CCDC6: variants seen among roughly 807,000 people sequenced by gnomAD.
The protein encoded by CCDC6 is coiled-coil domain containing 6.
CCDC6 carries 20 observed loss-of-function variants against 56.6 expected under a neutral mutation model. The ratio of observed to expected loss-of-function variants is 0.35; its 90% CI spans 0.25 to 0.51. The LOEUF is 0.51. Among genes scored for constraint, CCDC6 ranks in the 20% least tolerant of loss-of-function variants. The probability of loss-of-function intolerance (pLI) is 0.95; values close to 1 mark genes in which losing one functional copy is unlikely to be tolerated. For missense variants in CCDC6, 367 were observed against 601.1 expected (o/e 0.61, Z 4.07); for synonymous variants, 241 against 234.4 (o/e 1.03, Z -0.26).
rs953201677 is a variant in CCDC6, at chr10:59,789,691, G to A, written c.*3226C>T. 4.5e-6 allele frequency: 1 copy of A among 222,864 alleles called. No individual in the cohort carries two copies. Among genetic ancestry groups the A allele is most frequent in the Admixed American group, 5.7e-5 (1 of 17,400 alleles). The allele number at this position is 222,864 out of a possible 1,614,324, so 13.8% of individuals were successfully genotyped here. A position where few individuals can be genotyped will look rare whatever the true frequency, so the allele number is the denominator to read the frequency against. ...ACTAGACAGAAGATCAAGTTACACA[G>A]AAATATTTCTTCTGTACTGATAAGA... On this transcript the variant is annotated 3_prime_UTR_variant, in exon 9 of 9. Transcript: ENST00000263102.
intron 3 of CCDC6, among the ~76,000 whole-genome samples, chr10:59,822,539 T>A (rs779802959): frequency 1.3e-5 from 2 of 152,176 alleles, no homozygotes; most frequent in African/African-American, 4.8e-5. Flanking sequence ...AGGAAAGAAA[T>A]GACATCTGTA....
chr10:59,862,526 C>T (rs1397871231), intron 1 of CCDC6, among the ~76,000 whole-genome samples: 4,601 of 86,342 alleles, frequency 0.053, 481 homozygotes, highest in African/African-American at 0.24. Flanking sequence ...TACACACACA[C>T]ACACACACAC....
chr10:59,886,164 A>T (rs899500852), intron 1 of CCDC6, among the ~76,000 whole-genome samples: 1 of 152,208 alleles, frequency 6.6e-6, no homozygotes, highest in Non-Finnish European at 1.5e-5. Flanking sequence ...GGAAATGGAA[A>T]ATACTGCAGA....
Position 59,789,017 on chromosome 10 carries a change from C to G in CCDC6, c.*3900G>C. On this transcript the variant is annotated 3_prime_UTR_variant, in exon 9 of 9. Transcript: ENST00000263102. ...GCTAGCGCTTGGCTCTCCTCTTTTCCTTGTTGACATCTTTCTGTTGGACAG... is the reference window on the plus strand; with the variant it reads ...GCTAGCGCTTGGCTCTCCTCTTTTCGTTGTTGACATCTTTCTGTTGGACAG... 4.5e-6 allele frequency: 1 copy of G among 221,322 alleles called. No homozygotes were observed. The highest frequency in any genetic ancestry group is 9.0e-6 in the Non-Finnish European group (1 of 110,534). 13.7% of individuals were successfully genotyped at this position (221,322 alleles called of 1,614,324 possible). A position where few individuals can be genotyped will look rare whatever the true frequency, so the allele number is the denominator to read the frequency against.
At chr10:59,803,925 C>A (rs1174858027) in intron 7 of CCDC6, among the ~76,000 whole-genome samples, 1 of 152,240 alleles carries the variant, frequency 6.6e-6, no homozygotes, top group East Asian at 1.9e-4. Context: ...TGCCTTGCCA[C>A]TTCCTGGCTG....
At position 59,791,591 on chromosome 10, in the gene CCDC6, A is replaced by G. The variant is rs1436486086; in HGVS notation, c.*1326T>C. On this transcript the variant is annotated 3_prime_UTR_variant, in exon 9 of 9. Transcript: ENST00000263102. ...TATCCAACAGATACACATTCTTGTC[A>G]TAAAATATACATTCTCTAGTAAGTT... 5.0e-6 allele frequency: 1 copy of G among 199,232 alleles called. No homozygotes were observed. Among genetic ancestry groups the G allele is most frequent in the Non-Finnish European group, 1.0e-5 (1 of 96,234 alleles). The allele number at this position is 199,232 out of a possible 1,614,324, so 12.3% of individuals were successfully genotyped here. A position where few individuals can be genotyped will look rare whatever the true frequency, so the allele number is the denominator to read the frequency against.
chr10:59,897,583 C>T (rs1463757553), intron 1 of CCDC6, among the ~76,000 whole-genome samples: 2 of 152,138 alleles, frequency 1.3e-5, no homozygotes, highest in African/African-American at 4.8e-5. Flanking sequence ...AAAAGTCAAG[C>T]TTGCATACAA....
intron 1 of CCDC6, among the ~76,000 whole-genome samples, chr10:59,883,530 C>G (rs117032627): frequency 0.017 from 2,602 of 152,256 alleles, 31 homozygotes; most frequent in Middle Eastern, 0.044. Flanking sequence ...TTGCTCTTTT[C>G]AATTCTATCA....
intron 5 of CCDC6, 55 bp from the exon 6 acceptor site, chr10:59,807,133 T>A: frequency 3.3e-6 from 5 of 1,521,770 alleles, no homozygotes; most frequent in Admixed American, 1.8e-5. Context: ...TATCCAAATC[T>A]AAAAAAAAGG....
chr10:59,831,230 T>C (rs1358053808), intron 3 of CCDC6, among the ~76,000 whole-genome samples: 1 of 152,184 alleles, frequency 6.6e-6, no homozygotes, highest in African/African-American at 2.4e-5. Flanking sequence ...TTACTCGAGA[T>C]GTATAAAATA....
intron 1 of CCDC6, among the ~76,000 whole-genome samples, chr10:59,894,553 CAGCA>C (rs2071448121): frequency 6.9e-6 from 1 of 145,358 alleles, no homozygotes; most frequent in Non-Finnish European, 1.6e-5. Context: ...GCCTGGCATA[CAGCA>C]GACACTCATG....
At chr10:59,901,188 T>G (rs533772095) in intron 1 of CCDC6, among the ~76,000 whole-genome samples, 1 of 152,350 alleles carries the variant, frequency 6.6e-6, no homozygotes, top group Non-Finnish European at 1.5e-5. Flanking sequence ...AGAAGACTTG[T>G]GTACAGTTAG....
chr10:59,902,941 A>G (rs1422652874), intron 1 of CCDC6, among the ~76,000 whole-genome samples: 1 of 152,196 alleles, frequency 6.6e-6, no homozygotes, highest in Non-Finnish European at 1.5e-5. Flanking sequence ...GCCCTACAGG[A>G]GGTGAAGAGA....
At chr10:59,858,860 T>C (rs1476977043) in intron 1 of CCDC6, among the ~76,000 whole-genome samples, 1 of 152,186 alleles carries the variant, frequency 6.6e-6, no homozygotes, top group Non-Finnish European at 1.5e-5. Flanking sequence ...GTTGAAGTAC[T>C]AGCCTGCAGA....
At chr10:59,864,705 C>T (rs1340730073) in intron 1 of CCDC6, among the ~76,000 whole-genome samples, 12 of 152,144 alleles carry the variant, frequency 7.9e-5, no homozygotes. Context: ...TCACTGGGCT[C>T]ACTCACATGG....
Position 59,791,257 on chromosome 10 carries a change from G to A in CCDC6, c.*1660C>T, listed in dbSNP as rs937540908. ...AGTTTCTTCCAAACAATTGAGTGAT[G>A]TTCTCAGTTTGGGGGTGGAAGCAGG... is the stretch of plus-strand genomic sequence containing the variant. On this transcript the variant is annotated 3_prime_UTR_variant, in exon 9 of 9. Coordinates refer to ENST00000263102, the MANE Select transcript of CCDC6 (RefSeq NM_005436.5). The A allele has an allele frequency of 1.5e-5, 3 of 200,430 alleles. No individual in the cohort carries two copies. The East Asian group carries it at 2.3e-4, about 15-fold the overall frequency. The allele number at this position is 200,430 out of a possible 1,614,324, so 12.4% of individuals were successfully genotyped here. A position where few individuals can be genotyped will look rare whatever the true frequency, so the allele number is the denominator to read the frequency against.
chr10:59,803,819 G>A (rs764825849), intron 7 of CCDC6, among the ~76,000 whole-genome samples: 1 of 152,210 alleles, frequency 6.6e-6, no homozygotes, highest in Non-Finnish European at 1.5e-5. Flanking sequence ...TCTGCAGCCT[G>A]CCTGCTAGGG....
chr10:59,832,956 TA>T (rs1271194212), intron 2 of CCDC6, among the ~76,000 whole-genome samples: 2 of 152,258 alleles, frequency 1.3e-5, no homozygotes, highest in Non-Finnish European at 2.9e-5. Flanking sequence ...TACCAATTTT[TA>T]TTAAATGAAT....
chr10:59,883,454 T>C (rs757058031), intron 1 of CCDC6, among the ~76,000 whole-genome samples: 4 of 152,238 alleles, frequency 2.6e-5, no homozygotes, highest in African/African-American at 7.2e-5. Flanking sequence ...GCAATGCTAA[T>C]ACCATTCATG....
Sources: gnomAD v4.1 joint callset for allele counts (sites outside exome capture counted in the v4.1 genomes callset) on GRCh38, gnomAD v4.1.1 for gene constraint, MANE v1.5 for transcripts, NCBI Gene and HGNC (gene_info 2026-07-23, HGNC 2026-07-21) for gene names.